RBM6: variants seen among roughly 807,000 people sequenced by gnomAD.
The protein encoded by RBM6 is RNA binding motif protein 6, also known as RNA-binding protein 6.
A neutral mutation model predicts 140.4 loss-of-function variants in RBM6; 23 were observed. The ratio of observed to expected loss-of-function variants is 0.16; its 90% CI spans 0.12 to 0.23. RBM6 has a LOEUF of 0.23. Ranked by LOEUF, RBM6 falls within the 10% of genes least tolerant of loss-of-function variation. The pLI, the probability that RBM6 is intolerant of heterozygous loss-of-function variation, is 1.00. For missense variants in RBM6, 1,139 were observed against 1,386.7 expected (o/e 0.82, Z 2.84); for synonymous variants, 439 against 475.6 (o/e 0.92, Z 1.00).
At chr3:49,980,944 C>A (rs1404061127) in intron 5 of RBM6, among the ~76,000 whole-genome samples, 1 of 151,602 alleles carries the variant, frequency 6.6e-6, no homozygotes, top group Non-Finnish European at 1.5e-5. Context: ...GCACTGTCAC[C>A]AGTGCTGGAG....
chr3:50,068,123 G>A (rs185039691), intron 17 of RBM6, among the ~76,000 whole-genome samples: 1 of 152,324 alleles, frequency 6.6e-6, no homozygotes, highest in East Asian at 1.9e-4. Flanking sequence ...CTGGTCATAG[G>A]ACAGTGGAAA....
intron 1 of RBM6, among the ~76,000 whole-genome samples, chr3:49,949,336 A>G (rs1246829018): frequency 6.6e-6 from 1 of 151,934 alleles, no homozygotes; most frequent in Non-Finnish European, 1.5e-5. Flanking sequence ...TTCATTTGAA[A>G]CTTAACGGAA....
In RBM6 at chr3:49,982,262, C is replaced by CTTT. The variant is rs751604271; in HGVS notation, c.1483+6896_1483+6898dup. Among the ~76,000 whole-genome samples the CTTT allele has an allele frequency of 1.9e-3, 132 of 68,388 alleles. 11 individuals are homozygous for CTTT. Among genetic ancestry groups the CTTT allele is most frequent in the African/African-American group, 6.6e-3 (111 of 16,758 alleles). The allele number at this position is 68,388 out of a possible 152,430, so 44.9% of individuals were successfully genotyped here. On this transcript the variant is annotated intron_variant, in intron 5 of 20. Coordinates refer to ENST00000266022, the MANE Select transcript of RBM6 (RefSeq NM_005777.3). ...GTACCTTCTGCATTTCTTTTCTTTT[C>CTTT]TTTTTTTTTTTTTTTTTTTTTTTTT...
chr3:50,063,433 C>T (rs1180517533), intron 15 of RBM6, among the ~76,000 whole-genome samples: 1 of 151,898 alleles, frequency 6.6e-6, no homozygotes, highest in African/African-American at 2.4e-5. Context: ...AACTCCATCT[C>T]TACCAAAAAT....
intron 6 of RBM6, among the ~76,000 whole-genome samples, chr3:50,034,374 C>G (rs776554253): frequency 3.3e-5 from 5 of 152,158 alleles, no homozygotes; most frequent in Non-Finnish European, 7.4e-5. Context: ...TTTATATGAC[C>G]TGTTGGCATA....
intron 6 of RBM6, among the ~76,000 whole-genome samples, chr3:50,003,838 G>C (rs1469308874): frequency 6.6e-6 from 1 of 152,214 alleles, no homozygotes; most frequent in Admixed American, 6.5e-5. Flanking sequence ...TTTCTGTCTA[G>C]GAGAAGGGGG....
At chr3:49,997,674 G>T (rs1300591778) in intron 5 of RBM6, among the ~76,000 whole-genome samples, 1 of 152,152 alleles carries the variant, frequency 6.6e-6, no homozygotes, top group African/African-American at 2.4e-5. Context: ...ACATGCATTT[G>T]AGTGTTTGCA....
intron 6 of RBM6, among the ~76,000 whole-genome samples, chr3:50,017,623 G>T (rs894543127): frequency 6.6e-6 from 1 of 151,786 alleles, no homozygotes; most frequent in African/African-American, 2.4e-5. Flanking sequence ...TTTTAATAGG[G>T]TTATTTGTTT....
At chr3:49,978,952 A>T (rs2085179654) in intron 5 of RBM6, among the ~76,000 whole-genome samples, 1 of 152,192 alleles carries the variant, frequency 6.6e-6, no homozygotes, top group Non-Finnish European at 1.5e-5. Context: ...TCTTTTGGTG[A>T]CTAGACAAAC....
At chr3:50,021,537 G>A (rs554730282) in intron 6 of RBM6, among the ~76,000 whole-genome samples, 1 of 152,134 alleles carries the variant, frequency 6.6e-6, no homozygotes, top group South Asian at 2.1e-4. Flanking sequence ...CTGCTCAAGA[G>A]GCTGAGGCAC....
intron 1 of RBM6, among the ~76,000 whole-genome samples, chr3:49,941,823 C>T (rs1011245001): frequency 6.6e-6 from 1 of 151,566 alleles, no homozygotes; most frequent in South Asian, 2.1e-4. Flanking sequence ...CTGCCTTGGC[C>T]TCCCAAAGTG....
intron 17 of RBM6, among the ~76,000 whole-genome samples, chr3:50,067,781 A>G (rs1193285176): frequency 6.6e-6 from 1 of 152,212 alleles, no homozygotes; most frequent in African/African-American, 2.4e-5. Flanking sequence ...TAGATGTTGC[A>G]AGAGCAGGTG....
At chr3:49,950,238 G>GA (rs1401912013) in intron 1 of RBM6, among the ~76,000 whole-genome samples, 1 of 151,984 alleles carries the variant, frequency 6.6e-6, no homozygotes, top group Non-Finnish European at 1.5e-5. Flanking sequence ...TTTACTTTGG[G>GA]AAAAAATTAA....
At position 49,968,345 on chromosome 3, in the gene RBM6, G is replaced by T; in HGVS notation, c.920G>T (p.Gly307Val). The change falls in exon 3 of 21, where the codon GGT becomes GTT. Residue 307 changes from glycine (G) to valine (V), a missense_variant. This residue lies in a region of RBM6 where 566 missense variants were observed against 612.7 expected (regional missense o/e 0.92). Transcript: ENST00000266022. Reference sequence around the variant, plus strand: ...TCTACACAAGATAGAGAACATTCTGGTATGAATGTGAACAGGAGAGAAGAA... The same window carrying T: ...TCTACACAAGATAGAGAACATTCTGTTATGAATGTGAACAGGAGAGAAGAA... ...QPSTQDREHS[G>V]MNVNRREEST... The T allele has an allele frequency of 6.2e-7, 1 of 1,614,154 alleles. No individual in the cohort carries two copies. The highest frequency in any genetic ancestry group is 1.3e-5 in the African/African-American group (1 of 75,030).
intron 5 of RBM6, among the ~76,000 whole-genome samples, chr3:49,998,896 C>T (rs1210732899): frequency 6.6e-6 from 1 of 152,162 alleles, no homozygotes; most frequent in African/African-American, 2.4e-5. Context: ...CCCTGCCAAC[C>T]AGAAGCCTCC....
intron 1 of RBM6, among the ~76,000 whole-genome samples, chr3:49,946,711 T>C (rs899363808): frequency 2.0e-5 from 3 of 151,720 alleles, no homozygotes; most frequent in Admixed American, 1.3e-4. Flanking sequence ...AATTTTTGTA[T>C]TTTAGTAGAG....
rs2084568127 is a variant in RBM6, at chr3:49,967,701, A to G, written c.276A>G (p.Gly92=). 1 of 1,614,136 alleles carries G rather than the reference A, an allele frequency of 6.2e-7. No individual in the cohort carries two copies. Among genetic ancestry groups the G allele is most frequent in the South Asian group, 1.1e-5 (1 of 91,074 alleles). Residue 92 remains glycine, a synonymous_variant, in exon 3 of 21, where the codon GGA becomes GGG. Transcript: ENST00000266022. The surrounding 1 kb of genome is among the most constrained non-coding windows in gnomAD (Gnocchi z 4.0). ...ACTATCGAGGAGGGGAGGGACCTGGACATGATTTCAGGGGGGGAGATTTTT... is the reference window on the plus strand; with the variant it reads ...ACTATCGAGGAGGGGAGGGACCTGGGCATGATTTCAGGGGGGGAGATTTTT... ...HGDYRGGEGP[G]HDFRGGDFSS...
chr3:50,051,454 C>G (rs1435176026), intron 7 of RBM6, among the ~76,000 whole-genome samples: 1 of 152,130 alleles, frequency 6.6e-6, no homozygotes, highest in Admixed American at 6.5e-5. Flanking sequence ...TCAGCCTGAC[C>G]AACATGGAGA....
At chr3:50,052,520 C>T (rs2089510849) in intron 7 of RBM6, among the ~76,000 whole-genome samples, 1 of 152,208 alleles carries the variant, frequency 6.6e-6, no homozygotes, top group African/African-American at 2.4e-5. Flanking sequence ...GGCACTTTCC[C>T]CATTGTTAGA....
Sources: gnomAD v4.1 joint callset for allele counts (sites outside exome capture counted in the v4.1 genomes callset) on GRCh38, gnomAD v4.1.1 for gene constraint, gnomAD v4.1.1 regional missense constraint, Gnocchi (gnomAD v3.1) non-coding constraint, MANE v1.5 for transcripts, NCBI Gene and HGNC (gene_info 2026-07-23, HGNC 2026-07-21) for gene names.